The following GBE1 variants were observed in gnomAD, a reference collection of about 807,000 sequenced individuals.
The protein encoded by GBE1 is 1,4-alpha-glucan branching enzyme 1, also known as 1,4-alpha-glucan-branching enzyme.
Under a neutral mutation model 88.8 loss-of-function variants are expected in GBE1, and 70 were observed. The observed-to-expected ratio is 0.79, with a 90% CI of 0.65 to 0.96. The LOEUF (loss-of-function observed/expected upper bound fraction) is 0.96, where lower values mean the gene tolerates loss of function less well. Ranked by LOEUF, GBE1 falls within the 40% of genes least tolerant of loss-of-function variation. GBE1 has a pLI of 0.00. For missense variants in GBE1, 872 were observed against 871.0 expected (o/e 1.00, Z -0.01); for synonymous variants, 284 against 300.1 (o/e 0.95, Z 0.56).
chr3:81,610,045 T>C (rs1704158457), intron 7 of GBE1, among the ~76,000 whole-genome samples: 1 of 152,112 alleles, frequency 6.6e-6, no homozygotes, highest in Non-Finnish European at 1.5e-5. Context: ...CATGTGAAAG[T>C]GTCAAGAAAA....
intron 1 of GBE1, among the ~76,000 whole-genome samples, chr3:81,750,617 G>T (rs1209914857): frequency 2.4e-5 from 1 of 42,134 alleles, no homozygotes; most frequent in African/African-American, 1.5e-4. Context: ...ATATATATAT[G>T]TATATATATA....
rs564631880 is a variant in GBE1, at chr3:81,568,051, T to C, written c.1618+9874A>G. On this transcript the variant is annotated intron_variant, in intron 12 of 15. Transcript: ENST00000429644. ...CAGCATTTTCCCACCCCTGGGCTTT[T>C]GAACATTCTGTAACCTCTCTTTAGA... Among the ~76,000 whole-genome samples, 7 of 152,346 alleles carry C rather than the reference T, an allele frequency of 4.6e-5. No homozygotes were observed. In the South Asian group the frequency reaches 1.4e-3, roughly 32 times the overall value.
chr3:81,514,340 T>C (rs1702765467), intron 14 of GBE1, among the ~76,000 whole-genome samples: 1 of 151,624 alleles, frequency 6.6e-6, no homozygotes, highest in South Asian at 2.1e-4. Context: ...CTGAGTGTAA[T>C]CATTTCATTC....
At chr3:81,522,726 T>C (rs1702892276) in intron 14 of GBE1, among the ~76,000 whole-genome samples, 1 of 151,454 alleles carries the variant, frequency 6.6e-6, no homozygotes, top group South Asian at 2.1e-4. Flanking sequence ...ATGGAAGAGA[T>C]GGGTGGTAAG....
intron 12 of GBE1, among the ~76,000 whole-genome samples, chr3:81,551,330 G>A (rs1170171590): frequency 6.6e-6 from 1 of 152,132 alleles, no homozygotes; most frequent in East Asian, 1.9e-4. Context: ...ATGATGGGGG[G>A]TGCTGGACAA....
chr3:81,583,591 G>A (rs1703761426), intron 10 of GBE1, among the ~76,000 whole-genome samples: 1 of 151,990 alleles, frequency 6.6e-6, no homozygotes, highest in Non-Finnish European at 1.5e-5. Flanking sequence ...CAACATTGGA[G>A]GTTTTCTTGG....
At chr3:81,560,904 T>A (rs149412319) in intron 12 of GBE1, among the ~76,000 whole-genome samples, 2,535 of 152,102 alleles carry the variant, frequency 0.017, 85 homozygotes, top group African/African-American at 0.059. Context: ...GAAAGACAAG[T>A]ATTATAAGCA....
rs761234098 is a variant in GBE1, at chr3:81,649,785, G to C, written c.555+11C>G. On this transcript the variant is annotated intron_variant, in intron 4 of 15. Coordinates refer to ENST00000429644, the MANE Select transcript of GBE1 (RefSeq NM_000158.4). Reference sequence around the variant, plus strand: ...GGAACAATAATTTATTTAAAGATTTGTTGTTCTCACCTCATATGAGTGTTC... The same window carrying C: ...GGAACAATAATTTATTTAAAGATTTCTTGTTCTCACCTCATATGAGTGTTC... 1.9e-6 allele frequency: 3 copies of C among 1,574,282 alleles called. 1 individual carries two copies. Among genetic ancestry groups the C allele is most frequent in the South Asian group, 2.4e-5 (2 of 84,158 alleles).
At position 81,653,994 on chromosome 3, in the gene GBE1, C is replaced by T. The variant is rs76803905; in HGVS notation, c.430-4073G>A. Among the ~76,000 whole-genome samples the T allele has an allele frequency of 5.7e-3, 871 of 152,054 alleles. 2 individuals are homozygous for T. The highest frequency in any genetic ancestry group is 8.7e-3 in the Non-Finnish European group (594 of 67,952). ...TGTGCTACTTAAGGTGTACATCTTG[C>T]GTACCTTAAGTATATTAACACATTA... On this transcript the variant is annotated intron_variant, in intron 3 of 15. Transcript: ENST00000429644.
At chr3:81,669,829 T>C (rs1239812615) in intron 3 of GBE1, among the ~76,000 whole-genome samples, 2 of 152,204 alleles carry the variant, frequency 1.3e-5, no homozygotes, top group African/African-American at 4.8e-5. Flanking sequence ...TCTTCTCTGC[T>C]TACTATTATA....
chr3:81,594,047 T>C, intron 7 of GBE1, 24 bp from the exon 8 acceptor site: 1 of 1,163,520 alleles, frequency 8.6e-7, no homozygotes, highest in Non-Finnish European at 1.2e-6. Flanking sequence ...GAAATATGTA[T>C]TTAAGCAAAA....
At chr3:81,705,705 G>A in intron 1 of GBE1, 92 bp from the exon 2 acceptor site, 4 of 706,264 alleles carry the variant, frequency 5.7e-6, no homozygotes, top group South Asian at 3.1e-5. Flanking sequence ...GTCTTATTCA[G>A]GGAAAAAAAG....
chr3:81,494,865 A>C (rs1412890201), intron 15 of GBE1, among the ~76,000 whole-genome samples: 1 of 152,224 alleles, frequency 6.6e-6, no homozygotes, highest in African/African-American at 2.4e-5. Flanking sequence ...ATTTTATGTC[A>C]TTCAGGCAAA....
chr3:81,547,949 TCTC>T lies in GBE1; in HGVS notation c.1619-10857_1619-10855del, dbSNP rs1362286746. Among the ~76,000 whole-genome samples, 4 of 151,244 alleles carry T rather than the reference TCTC, an allele frequency of 2.6e-5. 1 individual carries two copies. Among genetic ancestry groups the T allele is most frequent in the African/African-American group, 4.8e-5 (2 of 41,312 alleles). The stretch of plus-strand genomic sequence containing the variant: ...TCCCTGAAACAAAACTGGATGAAGT[TCTC>T]CTCTTCTCTTGTTCTATATCCTTGG... On this transcript the variant is annotated intron_variant, in intron 12 of 15. Transcript: ENST00000429644.
chr3:81,717,403 G>A (rs1011296365), intron 1 of GBE1, among the ~76,000 whole-genome samples: 5 of 152,172 alleles, frequency 3.3e-5, no homozygotes, highest in African/African-American at 1.2e-4. Context: ...CTAACTTGCT[G>A]AGAAGCAATC....
intron 2 of GBE1, among the ~76,000 whole-genome samples, chr3:81,687,242 T>C (rs2107139082): frequency 6.6e-6 from 1 of 152,224 alleles, no homozygotes; most frequent in East Asian, 1.9e-4. Context: ...AGAAGAATGA[T>C]GAACAACTTT....
rs567657135 is a variant in GBE1 at position 81,693,914 on chromosome 3, T to A, written c.313+11530A>T. Among the ~76,000 whole-genome samples, 3 of 152,318 alleles carry A rather than the reference T, an allele frequency of 2.0e-5. No individual in the cohort carries two copies. The South Asian group carries it at 6.2e-4, about 32-fold the overall frequency. On this transcript the variant is annotated intron_variant, in intron 2 of 15. Coordinates refer to ENST00000429644, the MANE Select transcript of GBE1 (RefSeq NM_000158.4). ...GAAAAAAAAGGAAGAGAATAAAACT[T>A]TGATATTACTTGTCTAGAGTTTAGA...
intron 2 of GBE1, among the ~76,000 whole-genome samples, chr3:81,675,182 C>T (rs893504755): frequency 6.6e-6 from 1 of 151,948 alleles, no homozygotes; most frequent in African/African-American, 2.4e-5. Context: ...TTTGCGTGTT[C>T]TCTACTTAAC....
chr3:81,565,322 G>A (rs9845467), intron 12 of GBE1, among the ~76,000 whole-genome samples: 51,716 of 152,080 alleles, frequency 0.34, 9,288 homozygotes, highest in East Asian at 0.48. Context: ...GTTCAGGAGA[G>A]TGTATTTTGT....
Sources: allele counts gnomAD v4.1 joint callset (sites outside exome capture counted in the v4.1 genomes callset), GRCh38; gene constraint gnomAD v4.1.1; transcripts MANE v1.5; gene names NCBI Gene and HGNC (gene_info 2026-07-23, HGNC 2026-07-21).